Variants in NREP observed in about 807,000 individuals in gnomAD.
NREP encodes the protein neuronal regeneration-related protein.
In NREP, 5 loss-of-function variants were observed where a neutral mutation model predicts 8.6. The ratio of observed to expected loss-of-function variants is 0.58; its 90% confidence interval spans 0.30 to 1.22. NREP has a LOEUF of 1.22. Among genes scored for constraint, NREP ranks in the 50% most tolerant of loss-of-function variants. The probability of loss-of-function intolerance (pLI) is 0.07; values close to 1 mark genes in which losing one functional copy is unlikely to be tolerated. For missense variants in NREP, 86 were observed against 82.5 expected, an observed-to-expected ratio of 1.04 and a Z score of -0.17; for synonymous variants, 27 against 28.0, an observed-to-expected ratio of 0.96 and a Z score of 0.11.
chr5:111,841,593 A>C (rs1753031532), intron 2 of NREP, among the ~76,000 whole-genome samples: 1 of 152,122 alleles, frequency 6.6e-6, no homozygotes, highest in East Asian at 1.9e-4. Flanking sequence ...CAGGGACTTA[A>C]TTTTTTTAAA....
Position 111,743,048 on chromosome 5 carries a change from A to G in NREP, c.4-7541T>C, listed in dbSNP as rs990189745. Reference sequence around the variant, plus strand: ...CTTTTCAGCAATGAAGAGAAAACAAAGTACAAATGGCTGGTAACAGCCCAA... The same window carrying G: ...CTTTTCAGCAATGAAGAGAAAACAAGGTACAAATGGCTGGTAACAGCCCAA... On this transcript the variant is annotated intron_variant, in intron 2 of 3. Coordinates refer to ENST00000257435, the MANE Select transcript of NREP (RefSeq NM_004772.4). 1.6e-4 allele frequency among the ~76,000 whole-genome samples: 25 copies of G among 152,312 alleles called. 1 individual carries two copies. The Middle Eastern group carries it at 0.01, about 62-fold the overall frequency.
chr5:111,910,002 T>C (rs1038326097), intron 2 of NREP, among the ~76,000 whole-genome samples: 33 of 152,260 alleles, frequency 2.2e-4, no homozygotes, highest in African/African-American at 7.9e-4. Context: ...TGTAAAAGAC[T>C]GACTTGATTA....
In NREP at chr5:111,754,720, A is replaced by C. The variant is rs543411509; in HGVS notation, c.3+1050T>G. ...TGGTGCTTTGACACCCACTTGTTGA[A>C]ATGACAAGTGACGCATACATAAAAA... On this transcript the variant is annotated intron_variant, in intron 2 of 3. Coordinates refer to ENST00000257435, the MANE Select transcript of NREP (RefSeq NM_004772.4). 2.2e-3 allele frequency among the ~76,000 whole-genome samples: 336 copies of C among 152,342 alleles called. 2 individuals carry two copies. Among genetic ancestry groups the C allele is most frequent in the African/African-American group, 7.8e-3 (326 of 41,572 alleles).
At chr5:111,800,773 T>C (rs1466695579) in intron 2 of NREP, among the ~76,000 whole-genome samples, 1 of 152,222 alleles carries the variant, frequency 6.6e-6, no homozygotes, top group Non-Finnish European at 1.5e-5. Flanking sequence ...TATATGTTAT[T>C]AGCCAATCTG....
rs112780163 is a variant in NREP at position 111,901,620 on chromosome 5, C to T, written c.135+73654G>A. On this transcript the variant is annotated intron_variant, in intron 2 of 3. Transcript: ENST00000395634. ...AGTCAACAAATTCAGTAAAGTTTTA[C>T]GATGCAAAATCAACACACAAAAATC... Among the ~76,000 whole-genome samples the T allele has an allele frequency of 5.1e-3, 778 of 152,068 alleles. 5 individuals are homozygous for T. The highest frequency in any genetic ancestry group is 0.017 in the African/African-American group (718 of 41,512).
At chr5:111,736,625 A>G (rs1749146518) in intron 2 of NREP, among the ~76,000 whole-genome samples, 1 of 152,202 alleles carries the variant, frequency 6.6e-6, no homozygotes, top group Admixed American at 6.6e-5. Context: ...CAGGGAATCT[A>G]GGGTAGGAAA....
intron 2 of NREP, among the ~76,000 whole-genome samples, chr5:111,849,493 C>A (rs1753258691): frequency 6.6e-6 from 1 of 152,048 alleles, no homozygotes; most frequent in African/African-American, 2.4e-5. Context: ...AAGCTTTAAG[C>A]AGAGGAGTAA....
chr5:111,758,855 G>C (rs189888768), upstream of NREP, among the ~76,000 whole-genome samples: 4 of 152,264 alleles, frequency 2.6e-5, no homozygotes, highest in Admixed American at 2.6e-4. Context: ...GGGACTATAG[G>C]TCACCTTTAA....
intron 2 of NREP, among the ~76,000 whole-genome samples, chr5:111,847,255 A>G (rs1753199522): frequency 6.6e-6 from 1 of 152,088 alleles, no homozygotes; most frequent in Non-Finnish European, 1.5e-5. Context: ...GTTGGGTTCT[A>G]TGTGAGGGTC....
chr5:111,785,819 G>C (rs1751596204), intron 2 of NREP, among the ~76,000 whole-genome samples: 1 of 152,026 alleles, frequency 6.6e-6, no homozygotes, highest in Non-Finnish European at 1.5e-5. Flanking sequence ...GGCAACAATG[G>C]GGCAGGAGCA....
At chr5:111,976,640 T>C in intron 1 of NREP, 1 of 1,306,042 alleles carries the variant, frequency 7.7e-7, no homozygotes, top group South Asian at 1.3e-5. Flanking sequence ...GAGACAAACA[T>C]CCTATAATTG....
At chr5:111,816,892 A>G (rs1020765339) in intron 2 of NREP, among the ~76,000 whole-genome samples, 4 of 152,104 alleles carry the variant, frequency 2.6e-5, no homozygotes, top group African/African-American at 9.6e-5. Flanking sequence ...AAAAGGATGG[A>G]AAAAGATAAA....
chr5:111,879,184 C>G (rs572696430), intron 2 of NREP, among the ~76,000 whole-genome samples: 8 of 152,324 alleles, frequency 5.3e-5, no homozygotes, highest in South Asian at 2.1e-4. Context: ...CTGGCTCCCC[C>G]CTTTTGCCTA....
At chr5:111,910,373 A>G (rs1322766750) in intron 2 of NREP, among the ~76,000 whole-genome samples, 3 of 152,016 alleles carry the variant, frequency 2.0e-5, no homozygotes, top group Non-Finnish European at 4.4e-5. Flanking sequence ...AAGAGTTCTC[A>G]AAGGAACAGC....
intron 2 of NREP, among the ~76,000 whole-genome samples, chr5:111,874,043 C>T (rs771778775): frequency 1.6e-4 from 23 of 142,376 alleles, no homozygotes; most frequent in African/African-American, 3.5e-4. Flanking sequence ...TTCCCAGGGA[C>T]GGGAGGGTGG....
intron 2 of NREP, among the ~76,000 whole-genome samples, chr5:111,790,347 C>CTTTTTTT (rs57775701): frequency 0.012 from 706 of 59,576 alleles, 5 homozygotes; most frequent in Middle Eastern, 0.02. Flanking sequence ...AAAACCTTAA[C>CTTTTTTT]TTTTTTTTTT....
rs1440439326 is a variant in NREP at position 111,975,248 on chromosome 5, C to G, written c.135+26G>C. On this transcript the variant is annotated intron_variant, in intron 2 of 3. Transcript: ENST00000395634. ...CTTGAACTAGCTTAACAAACACGAG[C>G]AAATCAGGATAGCAGTTTGTCTTAC... 2.7e-6 allele frequency: 4 copies of G among 1,505,060 alleles called. No homozygotes were observed. In the Admixed American group the frequency reaches 7.9e-5, roughly 30 times the overall value. 93.2% of individuals were successfully genotyped at this position (1,505,060 alleles called of 1,614,324 possible).
At chr5:111,862,553 A>G (rs1249575179) in intron 2 of NREP, among the ~76,000 whole-genome samples, 2 of 152,124 alleles carry the variant, frequency 1.3e-5, no homozygotes, top group Admixed American at 1.3e-4. Flanking sequence ...AACGTTCTCG[A>G]AAAATTGCCT....
At chr5:111,878,737 C>T in intron 2 of NREP, among the ~76,000 whole-genome samples, 1 of 152,142 alleles carries the variant, frequency 6.6e-6, no homozygotes, top group East Asian at 1.9e-4. Flanking sequence ...ATAGGCCTGT[C>T]CCCCACCCCC....
Sources: allele counts gnomAD v4.1 joint callset (sites outside exome capture counted in the v4.1 genomes callset), GRCh38; gene constraint gnomAD v4.1.1; transcripts MANE v1.5; gene names NCBI Gene and HGNC (gene_info 2026-07-23, HGNC 2026-07-21).